WARS2: variants seen among roughly 807,000 people sequenced by gnomAD.
The protein encoded by WARS2 is tryptophan--tRNA ligase, mitochondrial.
A neutral mutation model predicts 36.5 loss-of-function variants in WARS2; 28 were observed. The observed-to-expected ratio is 0.77, with a 90% CI of 0.57 to 1.05. The LOEUF (loss-of-function observed/expected upper bound fraction) is 1.05. Ranked by LOEUF, WARS2 falls within the 50% of genes least tolerant of loss-of-function variation. WARS2 has a pLI of 0.00. For missense variants in WARS2, 435 were observed against 456.8 expected (o/e 0.95, Z 0.44); for synonymous variants, 174 against 178.4 (o/e 0.98, Z 0.20).
intron 1 of WARS2, among the ~76,000 whole-genome samples, chr1:119,122,549 C>A (rs929601563): frequency 6.6e-6 from 1 of 152,040 alleles, no homozygotes; most frequent in East Asian, 1.9e-4. Context: ...TGGGTATTTG[C>A]CCAGAGGAAA....
At chr1:119,034,890 T>C (rs1052519980) in intron 4 of WARS2, among the ~76,000 whole-genome samples, 1 of 152,092 alleles carries the variant, frequency 6.6e-6, no homozygotes, top group African/African-American at 2.4e-5. Flanking sequence ...CAAGTGCCTA[T>C]GGAAATATAT....
At chr1:119,108,194 T>C (rs1445440432) in intron 1 of WARS2, among the ~76,000 whole-genome samples, 1 of 152,076 alleles carries the variant, frequency 6.6e-6, no homozygotes, top group African/African-American at 2.4e-5. Flanking sequence ...AATGCCTGGG[T>C]TCACAGAATG....
intron 1 of WARS2, among the ~76,000 whole-genome samples, chr1:119,093,474 A>ATACTAGATTATGGTGGGCTC: frequency 6.8e-6 from 1 of 146,842 alleles, no homozygotes; most frequent in South Asian, 2.2e-4. Context: ...AGATGAAGTC[A>ATACTAGATTATGGTGGGCTC]TAAATACAAT....
intron 1 of WARS2, among the ~76,000 whole-genome samples, chr1:119,088,564 A>C (rs587666200): frequency 6.6e-6 from 1 of 152,344 alleles, no homozygotes; most frequent in South Asian, 2.1e-4. Flanking sequence ...AATCATGTAT[A>C]GGCAGAGGCC....
chr1:119,060,650 C>T (rs1397830700), intron 2 of WARS2, among the ~76,000 whole-genome samples: 1 of 152,154 alleles, frequency 6.6e-6, no homozygotes, highest in African/African-American at 2.4e-5. Context: ...CATTGGAGAA[C>T]AATCGAAAGC....
chr1:119,085,407 G>A (rs753717392), intron 1 of WARS2: 17 of 1,435,508 alleles, frequency 1.2e-5, no homozygotes, highest in Admixed American at 5.5e-5. Context: ...TCTGGGTGAC[G>A]AAGAGGATGG....
chr1:119,034,815 C>A (rs1237972364), intron 4 of WARS2, among the ~76,000 whole-genome samples: 4 of 152,084 alleles, frequency 2.6e-5, no homozygotes, highest in Non-Finnish European at 5.9e-5. Context: ...CTATCAAAAA[C>A]TATGTGGGAT....
At chr1:119,096,019 G>T (rs1653414330) in intron 1 of WARS2, among the ~76,000 whole-genome samples, 1 of 152,088 alleles carries the variant, frequency 6.6e-6, no homozygotes, top group South Asian at 2.1e-4. Flanking sequence ...ATTTGCACTT[G>T]CTCTGTGTGT....
chr1:119,081,716 C>A (rs777745844), intron 1 of WARS2, among the ~76,000 whole-genome samples: 7 of 152,136 alleles, frequency 4.6e-5, no homozygotes, highest in Non-Finnish European at 8.8e-5. Flanking sequence ...TTTCTCAATT[C>A]TATCATCTAC....
chr1:119,127,174 T>C, intron 1 of WARS2: 9 of 726,282 alleles, frequency 1.2e-5, no homozygotes, highest in South Asian at 1.2e-4. Flanking sequence ...TTTCTTATAT[T>C]GAACATAGCA....
intron 1 of WARS2, chr1:119,082,267 C>T: frequency 1.0e-6 from 1 of 985,276 alleles, no homozygotes; most frequent in Non-Finnish European, 1.2e-6. Flanking sequence ...AAATATTCCC[C>T]CACAGGCTTA....
intron 2 of WARS2, among the ~76,000 whole-genome samples, chr1:119,068,364 T>C (rs1317396359): frequency 6.6e-6 from 1 of 152,226 alleles, no homozygotes; most frequent in Non-Finnish European, 1.5e-5. Context: ...CCAAGATTTA[T>C]GTAGTCAGTT....
intron 1 of WARS2, among the ~76,000 whole-genome samples, chr1:119,110,514 T>C (rs1186914390): frequency 6.6e-6 from 1 of 152,084 alleles, no homozygotes; most frequent in Non-Finnish European, 1.5e-5. Flanking sequence ...TCTTTATTCC[T>C]CTATAGGTGT....
intron 1 of WARS2, among the ~76,000 whole-genome samples, chr1:119,132,101 G>C (rs1656157308): frequency 6.6e-6 from 1 of 152,126 alleles, no homozygotes; most frequent in African/African-American, 2.4e-5. Flanking sequence ...TTCTTACAAT[G>C]TGAGGAGTAT....
chr1:119,054,583 CAA>C (rs1332975533), intron 2 of WARS2, among the ~76,000 whole-genome samples: 1 of 152,066 alleles, frequency 6.6e-6, no homozygotes, highest in Non-Finnish European at 1.5e-5. Context: ...AGCAGGGTCT[CAA>C]AGAATATTTG....
chr1:119,138,121 A>G (rs1656643813), intron 1 of WARS2, among the ~76,000 whole-genome samples: 2 of 152,156 alleles, frequency 1.3e-5, no homozygotes, highest in Non-Finnish European at 1.5e-5. Flanking sequence ...TTCCCATTAT[A>G]CTATACTCTT....
intron 1 of WARS2, among the ~76,000 whole-genome samples, chr1:119,105,549 G>A (rs1004172970): frequency 9.9e-5 from 15 of 152,080 alleles, no homozygotes; most frequent in African/African-American, 2.2e-4. Context: ...ATAAGTGACC[G>A]ACAAAGTGCA....
chr1:119,074,799 C>T (rs1007440422), intron 2 of WARS2, among the ~76,000 whole-genome samples: 1 of 152,132 alleles, frequency 6.6e-6, no homozygotes, highest in South Asian at 2.1e-4. Context: ...GAATACTACA[C>T]AGTCATAACA....
At chr1:119,039,373 A>G (rs967766147) in intron 4 of WARS2, among the ~76,000 whole-genome samples, 9 of 152,136 alleles carry the variant, frequency 5.9e-5, no homozygotes, top group East Asian at 3.9e-4. Flanking sequence ...GTGTGTGTGT[A>G]TATATATATG....
Sources: allele counts gnomAD v4.1 joint callset (sites outside exome capture counted in the v4.1 genomes callset), GRCh38; gene constraint gnomAD v4.1.1; transcripts MANE v1.5; gene names NCBI Gene and HGNC (gene_info 2026-07-23, HGNC 2026-07-21).